STAU2: variants seen among roughly 807,000 people sequenced by gnomAD.
The protein encoded by STAU2 is staufen double-stranded RNA binding protein 2, also known as double-stranded RNA-binding protein Staufen homolog 2.
A neutral mutation model predicts 65.9 loss-of-function variants in STAU2; 20 were observed. That is an observed-to-expected ratio of 0.30 (90% CI 0.21 to 0.44). The LOEUF (loss-of-function observed/expected upper bound fraction) is 0.44, where lower values mean the gene tolerates loss of function less well. STAU2 is among the 20% of genes least tolerant of loss of function. STAU2 has a pLI of 1.00. For missense variants in STAU2, 558 were observed against 683.9 expected (o/e 0.82, Z 2.05); for synonymous variants, 232 against 233.9 (o/e 0.99, Z 0.07).
At chr8:73,717,814 C>G (rs1344129851) in intron 3 of STAU2, among the ~76,000 whole-genome samples, 1 of 152,184 alleles carries the variant, frequency 6.6e-6, no homozygotes, top group Non-Finnish European at 1.5e-5. Flanking sequence ...TTCTTGAAAT[C>G]AGGTAGTGTT....
At position 73,688,005 on chromosome 8, in the gene STAU2, C is replaced by T. The variant is rs1260065731; in HGVS notation, c.274+649G>A. ...CTGGGATGACAGGCGTGAGCCACCG[C>T]GCCCGGCCTACTATCTTTACTTTAA... On this transcript the variant is annotated intron_variant, in intron 5 of 14. Coordinates refer to ENST00000524300, the MANE Select transcript of STAU2 (RefSeq NM_001164380.2). 1.2e-4 allele frequency among the ~76,000 whole-genome samples: 18 copies of T among 151,490 alleles called. No individual in the cohort carries two copies. In the South Asian group the frequency reaches 2.3e-3, roughly 19 times the overall value.
intron 6 of STAU2, among the ~76,000 whole-genome samples, chr8:73,667,252 A>T (rs1031175189): frequency 6.6e-6 from 1 of 152,150 alleles, no homozygotes; most frequent in African/African-American, 2.4e-5. Context: ...TTTTAGGAAT[A>T]TTGCCAAAGC....
At chr8:73,539,829 G>C (rs1179176961) in intron 13 of STAU2, among the ~76,000 whole-genome samples, 1 of 145,922 alleles carries the variant, frequency 6.9e-6, no homozygotes, top group Non-Finnish European at 1.5e-5. Flanking sequence ...GGGCGACAGA[G>C]TGAAATTCCA....
At chr8:73,682,387 C>T (rs564332601) in intron 5 of STAU2, among the ~76,000 whole-genome samples, 9 of 151,244 alleles carry the variant, frequency 6.0e-5, no homozygotes, top group South Asian at 2.1e-4. Context: ...GTTGGGTCAA[C>T]AATGAAATCA....
rs564688171 is a variant in STAU2 at position 73,620,419 on chromosome 8, G to A, written c.411-2968C>T. Reference sequence around the variant, plus strand: ...GAGTGGGCGCCACTATAATCACTAAGGCCTGCTGACAATTACAAAACTCAT... The same window carrying A: ...GAGTGGGCGCCACTATAATCACTAAAGCCTGCTGACAATTACAAAACTCAT... On this transcript the variant is annotated intron_variant, in intron 6 of 14. Transcript: ENST00000524300. Among the ~76,000 whole-genome samples the A allele has an allele frequency of 5.9e-5, 9 of 152,242 alleles. No individual in the cohort carries two copies. In the East Asian group the frequency reaches 1.5e-3, roughly 26 times the overall value.
chr8:73,434,323 T>C (rs924410890), intron 13 of STAU2, among the ~76,000 whole-genome samples: 2 of 151,776 alleles, frequency 1.3e-5, no homozygotes, highest in Non-Finnish European at 2.9e-5. Flanking sequence ...AAGGCAGTGC[T>C]GACTCCTGAT....
chr8:73,617,458 T>C lies in STAU2; in HGVS notation c.411-7A>G, dbSNP rs1812910724. 6.2e-7 allele frequency: 1 copy of C among 1,609,712 alleles called. No individual in the cohort carries two copies. Among genetic ancestry groups the C allele is most frequent in the Admixed American group, 1.7e-5 (1 of 59,158 alleles). ...AGGCACTGGGCAATGATACCTAAAA[T>C]AAGAAAATAAAAACATTAAAGTTAG... is the stretch of plus-strand genomic sequence containing the variant. On this transcript the variant is annotated splice_region_variant and splice_polypyrimidine_tract_variant and intron_variant, in intron 6 of 14. Transcript: ENST00000524300.
rs568910534 is a variant in STAU2 at position 73,581,705 on chromosome 8, G to C, written c.1222+1065C>G. ...TCACCCCTATTTATACAGGCCAAGG[G>C]CTCAGAAGCACATTAATTTAAATTA... On this transcript the variant is annotated intron_variant, in intron 12 of 14. Transcript: ENST00000524300. Among the ~76,000 whole-genome samples the C allele has an allele frequency of 2.6e-5, 4 of 152,170 alleles. No homozygotes were observed. The South Asian group carries it at 8.3e-4, about 32-fold the overall frequency.
chr8:73,742,878 TA>T, intron 1 of STAU2, among the ~76,000 whole-genome samples: 1 of 152,250 alleles, frequency 6.6e-6, no homozygotes, highest in East Asian at 1.9e-4. Flanking sequence ...CCCCAATAAT[TA>T]AACTGCTTTA....
chr8:73,526,855 T>C (rs980647545), intron 13 of STAU2, among the ~76,000 whole-genome samples: 1 of 152,254 alleles, frequency 6.6e-6, no homozygotes, highest in African/African-American at 2.4e-5. Context: ...TTTAGCTTTA[T>C]TTCAGAAATA....
chr8:73,549,717 T>C (rs1046455508), intron 13 of STAU2: 17 of 985,646 alleles, frequency 1.7e-5, no homozygotes, highest in Non-Finnish European at 6.0e-6. Flanking sequence ...AAGAAGGGTT[T>C]ACACAATATT....
intron 13 of STAU2, among the ~76,000 whole-genome samples, chr8:73,470,173 G>C (rs1378356983): frequency 1.3e-5 from 2 of 152,212 alleles, no homozygotes; most frequent in Non-Finnish European, 2.9e-5. Context: ...TTCAGGGTTG[G>C]ATTAGGTTGT....
At chr8:73,715,114 T>C (rs977373934) in intron 3 of STAU2, among the ~76,000 whole-genome samples, 1 of 150,994 alleles carries the variant, frequency 6.6e-6, no homozygotes, top group Non-Finnish European at 1.5e-5. Flanking sequence ...GACAAACTGT[T>C]AACATTCATA....
chr8:73,741,069 G>A (rs1000627454), intron 1 of STAU2, among the ~76,000 whole-genome samples: 2 of 150,010 alleles, frequency 1.3e-5, no homozygotes, highest in African/African-American at 4.9e-5. Flanking sequence ...ACTTTGGGAG[G>A]CAGAGGCGGG....
chr8:73,743,223 A>C (rs1029484834), intron 1 of STAU2, among the ~76,000 whole-genome samples: 1 of 149,824 alleles, frequency 6.7e-6, no homozygotes, highest in Non-Finnish European at 1.5e-5. Flanking sequence ...ACAGGCCAGA[A>C]AAAAAAAAAA....
rs71269931 is a variant in STAU2, at chr8:73,658,943, C to CAAAAA, written c.410+14159_410+14163dup. On this transcript the variant is annotated intron_variant, in intron 6 of 14. Coordinates refer to ENST00000524300, the MANE Select transcript of STAU2 (RefSeq NM_001164380.2). ...ACAACAACAACAACAACAAAAACAA[C>CAAAAA]AAAAAAAAAAAACCAACCATACTTA... Among the ~76,000 whole-genome samples the CAAAAA allele has an allele frequency of 1.7e-3, 248 of 141,936 alleles. 1 individual carries two copies. The highest frequency in any genetic ancestry group is 5.4e-3 in the African/African-American group (212 of 39,402). The allele number at this position is 141,936 out of a possible 152,430, so 93.1% of individuals were successfully genotyped here. A position where few individuals can be genotyped will look rare whatever the true frequency, so the allele number is the denominator to read the frequency against.
chr8:73,432,745 C>A (rs1817394961), intron 13 of STAU2, among the ~76,000 whole-genome samples: 2 of 152,168 alleles, frequency 1.3e-5, no homozygotes, highest in Non-Finnish European at 2.9e-5. Flanking sequence ...TTTATTCATG[C>A]TTCCACGATC....
At chr8:73,701,028 A>G (rs1181741400) in intron 4 of STAU2, among the ~76,000 whole-genome samples, 1 of 152,202 alleles carries the variant, frequency 6.6e-6, no homozygotes, top group East Asian at 1.9e-4. Context: ...GGGAAAAGAC[A>G]GTCTCTTCAA....
chr8:73,423,032 A>T (rs931121296), intron 13 of STAU2, among the ~76,000 whole-genome samples: 1 of 152,244 alleles, frequency 6.6e-6, no homozygotes. Context: ...TACTGAAACT[A>T]CACATTCTCT....
Sources: gnomAD v4.1 joint callset for allele counts (sites outside exome capture counted in the v4.1 genomes callset) on GRCh38, gnomAD v4.1.1 for gene constraint, MANE v1.5 for transcripts, NCBI Gene and HGNC (gene_info 2026-07-23, HGNC 2026-07-21) for gene names.